The following SFXN5 variants were observed in gnomAD, a reference collection of about 807,000 sequenced individuals.
SFXN5 encodes sideroflexin-5.
In SFXN5, 43 loss-of-function variants were observed where a neutral mutation model predicts 50.2. That is an observed-to-expected ratio of 0.86 (90% CI 0.67 to 1.11). The LOEUF (loss-of-function observed/expected upper bound fraction) is 1.11, where lower values mean the gene tolerates loss of function less well. Among genes scored for constraint, SFXN5 ranks in the 50% least tolerant of loss-of-function variants. The pLI is 0.00. For synonymous variants in SFXN5, 203 were observed against 185.8 expected (o/e 1.09, Z -0.75); for missense variants, 463 against 454.1 (o/e 1.02, Z -0.18).
chr2:72,971,523 C>T (rs765098771), intron 11 of SFXN5, 47 bp downstream of exon 11: 27 of 1,402,066 alleles, frequency 1.9e-5, no homozygotes, highest in Non-Finnish European at 2.4e-5. Flanking sequence ...AAACCACTCC[C>T]CTCCCCTGTT....
intron 6 of SFXN5, among the ~76,000 whole-genome samples, chr2:73,018,369 T>C (rs1229988402): frequency 6.6e-6 from 1 of 151,736 alleles, no homozygotes; most frequent in African/African-American, 2.4e-5. Context: ...GCATGTCAAA[T>C]AGAGAAACTG....
rs148255504 is a variant in SFXN5 at position 72,963,607 on chromosome 2, G to A, written c.828-2359C>T. 6.3e-3 allele frequency among the ~76,000 whole-genome samples: 960 copies of A among 152,270 alleles called. 7 individuals are homozygous for A. The highest frequency in any genetic ancestry group is 0.022 in the African/African-American group (898 of 41,548). On this transcript the variant is annotated intron_variant, in intron 12 of 13. Coordinates refer to ENST00000272433, the MANE Select transcript of SFXN5 (RefSeq NM_144579.3). ...GGGGGAGTTAAAATATGTAGATGGA[G>A]AGATGTGCGAATGCCTGGGAGAAAG...
At chr2:72,981,937 A>C (rs146515447) in intron 10 of SFXN5, among the ~76,000 whole-genome samples, 13 of 151,500 alleles carry the variant, frequency 8.6e-5, no homozygotes, top group Non-Finnish European at 1.3e-4. Flanking sequence ...ATCCTCTATA[A>C]AACTTTATTG....
At position 72,961,246 on chromosome 2, in the gene SFXN5, G is replaced by A. The variant is rs1479522713; in HGVS notation, c.830C>T (p.Thr277Met). Residue 277 changes from threonine (T) to methionine (M), a missense_variant and splice_region_variant, in exon 13 of 14, where the codon ACG becomes ATG. Physicochemically the swap from Thr to Met is moderately conservative, Grantham distance 81. Coordinates refer to ENST00000272433, the MANE Select transcript of SFXN5 (RefSeq NM_144579.3). The surrounding 1 kb of genome is among the most constrained non-coding windows in gnomAD (Gnocchi z 4.4). ...PPIVMSMLEK[T>M]ALLQARPRLL... Reference sequence around the variant, plus strand: ...CCGGGGGCGTGCCTGCAGGAGAGCCGTCCTGTGAGGGAGAGAGGAGGGAGC... The same window carrying A: ...CCGGGGGCGTGCCTGCAGGAGAGCCATCCTGTGAGGGAGAGAGGAGGGAGC... 2 of 1,527,220 alleles carry A rather than the reference G, an allele frequency of 1.3e-6. No homozygotes were observed. Among genetic ancestry groups the A allele is most frequent in the Admixed American group, 2.2e-5 (1 of 44,844 alleles). The allele number at this position is 1,527,220 out of a possible 1,614,324, so 94.6% of individuals were successfully genotyped here. A position where few individuals can be genotyped will look rare whatever the true frequency, so the allele number is the denominator to read the frequency against.
In SFXN5 at chr2:72,998,722, C is replaced by A. The variant is rs1481944986; in HGVS notation, c.534+227G>T. On this transcript the variant is annotated intron_variant, in intron 9 of 13. Transcript: ENST00000272433. ...TGTCCTGCCTCAGTGCCCCCAGGCA[C>A]AACCTCACCTCCCCACCTGCTCTCC... 21 of 557,680 alleles carry A rather than the reference C, an allele frequency of 3.8e-5. 1 individual carries two copies. In the East Asian group the frequency reaches 6.0e-4, roughly 16 times the overall value. 34.5% of individuals were successfully genotyped at this position (557,680 alleles called of 1,614,324 possible). A position where few individuals can be genotyped will look rare whatever the true frequency, so the allele number is the denominator to read the frequency against.
chr2:73,070,382 C>T (rs1683486705), intron 1 of SFXN5: 1 of 152,228 alleles, frequency 6.6e-6, no homozygotes, highest in Non-Finnish European at 1.5e-5. Flanking sequence ...ATCAGCAAAG[C>T]TCGGGGCACC....
At position 72,944,984 on chromosome 2, in the gene SFXN5, G is replaced by T. The variant is rs763234654; in HGVS notation, c.*38C>A. 8.8e-6 allele frequency: 14 copies of T among 1,598,962 alleles called. No individual in the cohort carries two copies. The highest frequency in any genetic ancestry group is 1.2e-5 in the Non-Finnish European group (14 of 1,169,118). On this transcript the variant is annotated 3_prime_UTR_variant, in exon 14 of 14. Coordinates refer to ENST00000272433, the MANE Select transcript of SFXN5 (RefSeq NM_144579.3). ...CTACGGCCCTGCCCCTCAGCTCCCC[G>T]GCTGCACAGTGCTCCGTCCCCAGGC...
intron 3 of SFXN5, among the ~76,000 whole-genome samples, chr2:73,030,090 C>CA (rs1200150894): frequency 2.0e-5 from 3 of 151,402 alleles, no homozygotes; most frequent in Non-Finnish European, 2.9e-5. Flanking sequence ...ACAAAACAAA[C>CA]AAAAAAACCC....
chr2:73,048,821 T>C (rs6713655), intron 2 of SFXN5, among the ~76,000 whole-genome samples: 53,503 of 152,004 alleles, frequency 0.35, 12,174 homozygotes, highest in African/African-American at 0.64. Context: ...TTTCTGGAAG[T>C]GAGATTTCTG....
chr2:72,946,688 C>T (rs969863817), intron 13 of SFXN5, among the ~76,000 whole-genome samples: 1 of 152,172 alleles, frequency 6.6e-6, no homozygotes, highest in African/African-American at 2.4e-5. Flanking sequence ...ACGCCGCCAT[C>T]CAGTGGTGCT....
At chr2:73,023,476 C>G (rs1403652789) in intron 3 of SFXN5, among the ~76,000 whole-genome samples, 1 of 152,162 alleles carries the variant, frequency 6.6e-6, no homozygotes, top group African/African-American at 2.4e-5. Context: ...TCAACTATGT[C>G]TGCACTTTAG....
Position 72,999,034 on chromosome 2 carries a change from T to A in SFXN5, c.469-20A>T. The A allele has an allele frequency of 6.2e-7, 1 of 1,613,722 alleles. No homozygotes were observed. ...TGAAGGCTGGAAAACAGAGGCAGAA[T>A]TTCAGGCCTGCTGGGTGCCCAAAGC... On this transcript the variant is annotated intron_variant, in intron 8 of 13. Transcript: ENST00000272433.
intron 11 of SFXN5, among the ~76,000 whole-genome samples, chr2:72,969,468 C>T (rs1205443189): frequency 1.3e-5 from 2 of 152,074 alleles, no homozygotes; most frequent in African/African-American, 4.8e-5. Context: ...GATCTCAGCT[C>T]ACTGCAACCT....
At chr2:73,033,692 G>A (rs535118975) in intron 3 of SFXN5, among the ~76,000 whole-genome samples, 2 of 152,344 alleles carry the variant, frequency 1.3e-5, no homozygotes, top group Admixed American at 1.3e-4. Flanking sequence ...AGAGCAGTAG[G>A]AGACAAGATC....
intron 2 of SFXN5, among the ~76,000 whole-genome samples, chr2:73,047,951 T>A (rs948766321): frequency 6.6e-6 from 1 of 152,146 alleles, no homozygotes; most frequent in African/African-American, 2.4e-5. Context: ...ACCCAAATGG[T>A]CAAGAGTAAA....
rs770034015 is a variant in SFXN5, at chr2:72,961,222, CGG to C, written c.852_853del (p.Arg285AlafsTer32). 6.5e-7 allele frequency: 1 copy of C among 1,538,306 alleles called. No homozygotes were observed. Among genetic ancestry groups the C allele is most frequent in the African/African-American group, 1.4e-5 (1 of 70,554 alleles). On this transcript the variant is annotated frameshift_variant, in exon 13 of 14. Coordinates refer to ENST00000272433, the MANE Select transcript of SFXN5 (RefSeq NM_144579.3). LOFTEE classifies it high-confidence loss of function. This position sits in a 1 kb window ranked among gnomAD's most constrained non-coding sequence, Gnocchi z 4.4. Reference sequence around the variant, plus strand: ...GAGGCTTTGCACAGGGAGGAGCAGCCGGGGGCGTGCCTGCAGGAGAGCCGTCC... The same window carrying C: ...GAGGCTTTGCACAGGGAGGAGCAGCCGGGCGTGCCTGCAGGAGAGCCGTCC...
At position 72,953,169 on chromosome 2, in the gene SFXN5, C is replaced by T. The variant is rs1462567767; in HGVS notation, c.945+7962G>A. ...CAGGCAAAATGACAGGTGGCGTTGG[C>T]GTTCCTGGGCTCTGAGCGGCTTTGC... On this transcript the variant is annotated intron_variant, in intron 13 of 13. Coordinates refer to ENST00000272433, the MANE Select transcript of SFXN5 (RefSeq NM_144579.3). This position sits in a 1 kb window ranked among gnomAD's most constrained non-coding sequence, Gnocchi z 4.1. 6.6e-6 allele frequency among the ~76,000 whole-genome samples: 1 copy of T among 152,128 alleles called. No homozygotes were observed. The highest frequency in any genetic ancestry group is 2.4e-5 in the African/African-American group (1 of 41,410).
In SFXN5 at chr2:72,966,756, C is replaced by T. The variant is rs572643015; in HGVS notation, c.827+1692G>A. Among the ~76,000 whole-genome samples, 59 of 152,310 alleles carry T rather than the reference C, an allele frequency of 3.9e-4. 1 individual carries two copies. Among genetic ancestry groups the T allele is most frequent in the African/African-American group, 8.4e-4 (35 of 41,566 alleles). On this transcript the variant is annotated intron_variant, in intron 12 of 13. Coordinates refer to ENST00000272433, the MANE Select transcript of SFXN5 (RefSeq NM_144579.3). Reference sequence around the variant, plus strand: ...AAAAATTCTATCCTGCTCTCTGGGTCGGCCGCAGCCCCTCTCTGGGTACCA... The same window carrying T: ...AAAAATTCTATCCTGCTCTCTGGGTTGGCCGCAGCCCCTCTCTGGGTACCA...
chr2:73,009,080 C>T (rs1224587470), intron 6 of SFXN5, among the ~76,000 whole-genome samples: 1 of 152,186 alleles, frequency 6.6e-6, no homozygotes, highest in African/African-American at 2.4e-5. Context: ...CTCGCCCCTT[C>T]CCTTCATCAC....
Sources: gnomAD v4.1 joint callset for allele counts (sites outside exome capture counted in the v4.1 genomes callset) on GRCh38, gnomAD v4.1.1 for gene constraint, Gnocchi (gnomAD v3.1) non-coding constraint, MANE v1.5 for transcripts, NCBI Gene and HGNC (gene_info 2026-07-23, HGNC 2026-07-21) for gene names.